ST3GAL4: variants seen among roughly 807,000 people sequenced by gnomAD.
ST3GAL4 encodes the protein CMP-N-acetylneuraminate-beta-galactosamide-alpha-2,3-sialyltransferase 4.
ST3GAL4 carries 24 observed loss-of-function variants against 42.6 expected under a neutral mutation model. The observed-to-expected ratio is 0.56, with a 90% CI of 0.41 to 0.79. The LOEUF is 0.79. ST3GAL4 is among the 30% of genes least tolerant of loss of function. The pLI, the probability that ST3GAL4 is intolerant of heterozygous loss-of-function variation, is 0.00. For missense variants in ST3GAL4, 311 were observed against 430.8 expected (o/e 0.72, Z 2.46); for synonymous variants, 135 against 163.2 (o/e 0.83, Z 1.32).
At chr11:126,385,845 CAAAAAA>C (rs916410388) in intron 1 of ST3GAL4, among the ~76,000 whole-genome samples, 1 of 142,574 alleles carries the variant, frequency 7.0e-6, no homozygotes, top group African/African-American at 2.6e-5. Flanking sequence ...GACCTTGTCT[CAAAAAA>C]AAAAAGCGAA....
intron 1 of ST3GAL4, among the ~76,000 whole-genome samples, chr11:126,385,441 C>T (rs1288037610): frequency 2.6e-5 from 4 of 152,080 alleles, no homozygotes; most frequent in African/African-American, 4.8e-5. Context: ...CATGAGCCAC[C>T]GCGCCTGACC....
rs1439562958 is a variant in ST3GAL4 at position 126,396,996 on chromosome 11, G to A, written c.-60-9100G>A. On this transcript the variant is annotated intron_variant, in intron 1 of 10. Transcript: ENST00000444328. The surrounding 1 kb of genome is among the most constrained non-coding windows in gnomAD (Gnocchi z 5.8). Reference sequence around the variant, plus strand: ...AGGGATTTCCTACTGGTGTCTAGTAGGTAGAGGCCAGAGATGGCTGCTAAA... The same window carrying A: ...AGGGATTTCCTACTGGTGTCTAGTAAGTAGAGGCCAGAGATGGCTGCTAAA... Among the ~76,000 whole-genome samples, 1 of 152,092 alleles carries A rather than the reference G, an allele frequency of 6.6e-6. No homozygotes were observed. Among genetic ancestry groups the A allele is most frequent in the Non-Finnish European group, 1.5e-5 (1 of 68,038 alleles).
At position 126,392,268 on chromosome 11, in the gene ST3GAL4, G is replaced by A; in HGVS notation, c.-60-13828G>A. On this transcript the variant is annotated intron_variant, in intron 1 of 10. Coordinates refer to ENST00000444328, the MANE Select transcript of ST3GAL4 (RefSeq NM_001254757.2). The surrounding 1 kb of genome is among the most constrained non-coding windows in gnomAD (Gnocchi z 5.8). ...GGAAGGAGATTTCCTGGGTATTAGG[G>A]TGTCCTCAAGCCTGCAGCTCTCCTG... The A allele has an allele frequency of 1.1e-5, 11 of 960,974 alleles. No individual in the cohort carries two copies. The highest frequency in any genetic ancestry group is 1.4e-5 in the Non-Finnish European group (11 of 807,272). 59.5% of individuals were successfully genotyped at this position (960,974 alleles called of 1,614,324 possible).
chr11:126,364,655 A>C (rs1191460641), intron 1 of ST3GAL4, among the ~76,000 whole-genome samples: 1 of 146,984 alleles, frequency 6.8e-6, no homozygotes, highest in Non-Finnish European at 1.5e-5. Context: ...CCTGGCTTCC[A>C]TTGCCTTCCC....
At chr11:126,382,881 G>C (rs1348702532) in intron 1 of ST3GAL4, among the ~76,000 whole-genome samples, 1 of 152,260 alleles carries the variant, frequency 6.6e-6, no homozygotes, top group African/African-American at 2.4e-5. Context: ...TAAAGCCTCA[G>C]GGCTTGAGCC....
chr11:126,363,186 C>T lies in ST3GAL4; in HGVS notation c.-61+7344C>T, dbSNP rs1292480712. On this transcript the variant is annotated intron_variant, in intron 1 of 10. Transcript: ENST00000444328. This position sits in a 1 kb window ranked among gnomAD's most constrained non-coding sequence, Gnocchi z 4.6. ...AGTGTGGGCCGTTTCTCTAGACCTCCTGCCCCCATCTCCTTCCTGTCCCTG... is the reference window on the plus strand; with the variant it reads ...AGTGTGGGCCGTTTCTCTAGACCTCTTGCCCCCATCTCCTTCCTGTCCCTG... Among the ~76,000 whole-genome samples, 1 of 152,200 alleles carries T rather than the reference C, an allele frequency of 6.6e-6. No individual in the cohort carries two copies. Among genetic ancestry groups the T allele is most frequent in the East Asian group, 1.9e-4 (1 of 5,196 alleles).
intron 1 of ST3GAL4, among the ~76,000 whole-genome samples, chr11:126,388,864 C>T (rs1230119913): frequency 6.7e-6 from 1 of 149,104 alleles, no homozygotes; most frequent in Non-Finnish European, 1.5e-5. Context: ...GCAGCCTCCA[C>T]CTCCTTGGGT....
At chr11:126,368,835 GGA>G (rs1021988214) in intron 1 of ST3GAL4, among the ~76,000 whole-genome samples, 72 of 152,308 alleles carry the variant, frequency 4.7e-4, no homozygotes, top group Non-Finnish European at 1.8e-4. Context: ...AACTTGGAGA[GGA>G]GAGGAGGAAG....
Position 126,406,955 on chromosome 11 carries a change from C to T in ST3GAL4, c.114C>T (p.Pro38=), listed in dbSNP as rs1954262090. ...EDRYIELFYF[P]IPEKKEPCLQ... is the part of the protein sequence containing the mutation. Reference sequence around the variant, plus strand: ...TTTTTCTCTCCAGTTTTTATTTTCCCATCCCAGAGAAGAAGGAGCCGTGCC... The same window carrying T: ...TTTTTCTCTCCAGTTTTTATTTTCCTATCCCAGAGAAGAAGGAGCCGTGCC... Residue 38 remains proline (P), a synonymous_variant, in exon 4 of 11, where the codon CCC becomes CCT. Coordinates refer to ENST00000444328, the MANE Select transcript of ST3GAL4 (RefSeq NM_001254757.2). This position sits in a 1 kb window ranked among gnomAD's most constrained non-coding sequence, Gnocchi z 5.4. 25 of 1,614,002 alleles carry T rather than the reference C, an allele frequency of 1.5e-5. No individual in the cohort carries two copies. The East Asian group carries it at 5.3e-4, about 35-fold the overall frequency.
At chr11:126,390,146 C>T (rs900993563) in intron 1 of ST3GAL4, among the ~76,000 whole-genome samples, 30 of 150,992 alleles carry the variant, frequency 2.0e-4, no homozygotes, top group African/African-American at 7.3e-4. Flanking sequence ...CACGCCACTG[C>T]ACTCCAGCCT....
chr11:126,414,143 TTG>T lies in ST3GAL4; in HGVS notation c.*97_*98del. The T allele has an allele frequency of 8.3e-7, 1 of 1,202,614 alleles. No individual in the cohort carries two copies. Among genetic ancestry groups the T allele is most frequent in the East Asian group, 2.3e-5 (1 of 42,692 alleles). The allele number at this position is 1,202,614 out of a possible 1,614,324, so 74.5% of individuals were successfully genotyped here. ...GGTGGCTGGTGCCAGTATGACCCACTTGGACTCACCCCCTCTTGGGGAGGGAG... is the reference window on the plus strand; with the variant it reads ...GGTGGCTGGTGCCAGTATGACCCACTGACTCACCCCCTCTTGGGGAGGGAG... On this transcript the variant is annotated 3_prime_UTR_variant, in exon 11 of 11. Coordinates refer to ENST00000444328, the MANE Select transcript of ST3GAL4 (RefSeq NM_001254757.2).
chr11:126,358,479 C>T (rs897644974), intron 1 of ST3GAL4: 3 of 454,956 alleles, frequency 6.6e-6, no homozygotes, highest in Non-Finnish European at 8.8e-6. Flanking sequence ...GCCTCAGAAT[C>T]ACCCCAACCC....
chr11:126,362,146 T>G (rs1952262722), intron 1 of ST3GAL4, among the ~76,000 whole-genome samples: 1 of 149,992 alleles, frequency 6.7e-6, no homozygotes, highest in Admixed American at 6.7e-5. Flanking sequence ...CCTCCCAGAG[T>G]GCCAGGATTA....
rs1952188455 is a variant in ST3GAL4, at chr11:126,359,849, A to G, written c.-61+4007A>G. ...TCCATCTGGCCTGCCTGCAGCTCCTATTCCTTTGGAAATGTGGCTGCCGCC... is the reference window on the plus strand; with the variant it reads ...TCCATCTGGCCTGCCTGCAGCTCCTGTTCCTTTGGAAATGTGGCTGCCGCC... On this transcript the variant is annotated intron_variant, in intron 1 of 10. Coordinates refer to ENST00000444328, the MANE Select transcript of ST3GAL4 (RefSeq NM_001254757.2). This position sits in a 1 kb window ranked among gnomAD's most constrained non-coding sequence, Gnocchi z 4.8. Among the ~76,000 whole-genome samples the G allele has an allele frequency of 6.6e-6, 1 of 151,958 alleles. No homozygotes were observed. Among genetic ancestry groups the G allele is most frequent in the Non-Finnish European group, 1.5e-5 (1 of 67,994 alleles).
Position 126,406,041 on chromosome 11 carries a change from T to C in ST3GAL4, c.-60-55T>C. On this transcript the variant is annotated intron_variant, in intron 1 of 10. Transcript: ENST00000444328. The surrounding 1 kb of genome is among the most constrained non-coding windows in gnomAD (Gnocchi z 5.4). ...ACAGTGGGTGTGTCCTGCTCCAGTG[T>C]CTAGGCAGGAGAGTTTGTGAAGCTG... 1 of 1,542,562 alleles carries C rather than the reference T, an allele frequency of 6.5e-7. No homozygotes were observed. Among genetic ancestry groups the C allele is most frequent in the Non-Finnish European group, 8.8e-7 (1 of 1,139,642 alleles).
chr11:126,390,017 CA>C (rs57306343), intron 1 of ST3GAL4, among the ~76,000 whole-genome samples: 1,343 of 114,556 alleles, frequency 0.012, 15 homozygotes, highest in Middle Eastern at 0.024. Flanking sequence ...GCTAAAAATA[CA>C]AAAAAAAAAA....
At chr11:126,372,349 A>G (rs1310363210) in intron 1 of ST3GAL4, among the ~76,000 whole-genome samples, 2 of 151,736 alleles carry the variant, frequency 1.3e-5, no homozygotes, top group South Asian at 2.1e-4. Flanking sequence ...TTCACTTTGC[A>G]TAGTGTCTTC....
At chr11:126,389,794 C>T (rs1279594630) in intron 1 of ST3GAL4, among the ~76,000 whole-genome samples, 2 of 151,888 alleles carry the variant, frequency 1.3e-5, no homozygotes, top group African/African-American at 2.4e-5. Flanking sequence ...GCTATGTTAT[C>T]CAGGCTGGTC....
chr11:126,389,665 A>G lies in ST3GAL4; in HGVS notation c.-60-16431A>G, dbSNP rs1189816244. On this transcript the variant is annotated intron_variant, in intron 1 of 10. Coordinates refer to ENST00000444328, the MANE Select transcript of ST3GAL4 (RefSeq NM_001254757.2). ...TGCAACCTCTCATCTCCTGGGCTCAAGTGATCCTCCCACCTTAGTTAGCCT... is the reference window on the plus strand; with the variant it reads ...TGCAACCTCTCATCTCCTGGGCTCAGGTGATCCTCCCACCTTAGTTAGCCT... Among the ~76,000 whole-genome samples the G allele has an allele frequency of 3.3e-5, 5 of 152,302 alleles. No homozygotes were observed. The East Asian group carries it at 9.6e-4, about 29-fold the overall frequency.
Sources: allele counts gnomAD v4.1 joint callset (sites outside exome capture counted in the v4.1 genomes callset), GRCh38; gene constraint gnomAD v4.1.1; non-coding constraint Gnocchi (gnomAD v3.1); transcripts MANE v1.5; gene names NCBI Gene and HGNC (gene_info 2026-07-23, HGNC 2026-07-21).